GNAL: variants seen among roughly 807,000 people sequenced by gnomAD.
The protein encoded by GNAL is guanine nucleotide-binding protein G(olf) subunit alpha.
A neutral mutation model predicts 55.1 loss-of-function variants in GNAL; 18 were observed. That is an observed-to-expected ratio of 0.33 (90% CI 0.23 to 0.48). The LOEUF is 0.48. Ranked by LOEUF, GNAL falls within the 20% of genes least tolerant of loss-of-function variation. The probability of loss-of-function intolerance (pLI) is 0.99; values close to 1 mark genes in which losing one functional copy is unlikely to be tolerated. For missense variants in GNAL, 412 were observed against 614.1 expected (o/e 0.67, Z 3.48); for synonymous variants, 253 against 237.0 (o/e 1.07, Z -0.62).
chr18:11,728,518 C>T (rs969115981), intron 1 of GNAL, among the ~76,000 whole-genome samples: 5 of 152,186 alleles, frequency 3.3e-5, no homozygotes, highest in African/African-American at 9.6e-5. Context: ...TGGAGAGAGG[C>T]TCTGGGGGCT....
At chr18:11,753,066 GT>G (rs200924223) in intron 2 of GNAL, 141 bp downstream of exon 2, 1 of 571,212 alleles carries the variant, frequency 1.8e-6, no homozygotes, top group East Asian at 3.0e-5. Flanking sequence ...GATATTTGCT[GT>G]TGGATTTGGT....
chr18:11,876,765 T>C, intron 11 of GNAL, 77 bp downstream of exon 11: 1 of 825,444 alleles, frequency 1.2e-6, no homozygotes, highest in Non-Finnish European at 2.2e-6. Context: ...AAATTACTCC[T>C]TGATGATCTC....
intron 5 of GNAL, among the ~76,000 whole-genome samples, chr18:11,861,214 C>T (rs775007594): frequency 5.9e-5 from 9 of 152,188 alleles, no homozygotes; most frequent in African/African-American, 1.9e-4. Context: ...CCGTCAACGC[C>T]AGCACCAACA....
intron 4 of GNAL, among the ~76,000 whole-genome samples, chr18:11,776,074 T>C (rs1274577047): frequency 1.3e-5 from 2 of 152,206 alleles, no homozygotes; most frequent in Non-Finnish European, 2.9e-5. Context: ...GCCCAACTGA[T>C]AGCTAAAAAA....
chr18:11,712,490 A>G (rs911305322), intron 1 of GNAL, among the ~76,000 whole-genome samples: 1 of 152,266 alleles, frequency 6.6e-6, no homozygotes, highest in Non-Finnish European at 1.5e-5. Context: ...ATTTTTCAGC[A>G]GGGCAATAAA....
At position 11,751,183 on chromosome 18, in the gene GNAL, A is replaced by G. The variant is rs2032814010; in HGVS notation, c.377-1670A>G. Among the ~76,000 whole-genome samples, 2 of 152,116 alleles carry G rather than the reference A, an allele frequency of 1.3e-5. No individual in the cohort carries two copies. The highest frequency in any genetic ancestry group is 2.4e-5 in the African/African-American group (1 of 41,422). On this transcript the variant is annotated intron_variant, in intron 1 of 11. Transcript: ENST00000334049. This position sits in a 1 kb window ranked among gnomAD's most constrained non-coding sequence, Gnocchi z 4.5. ...AAGGAACAGTGATTTCTCCACGCCC[A>G]CGGCTGGTGTCCACGACTTCGGCCC...
intron 1 of GNAL, among the ~76,000 whole-genome samples, chr18:11,733,767 G>A (rs1177252706): frequency 6.6e-6 from 1 of 151,924 alleles, no homozygotes; most frequent in Non-Finnish European, 1.5e-5. Context: ...GAGGGAGGGA[G>A]GGACGATTAC....
chr18:11,804,194 G>A (rs143294676), intron 4 of GNAL, among the ~76,000 whole-genome samples: 11,637 of 53,138 alleles, frequency 0.22, 49 homozygotes, highest in African/African-American at 0.38. Context: ...GTACAGGTGC[G>A]GTTTGGATGG....
intron 5 of GNAL, among the ~76,000 whole-genome samples, chr18:11,835,794 G>A (rs541213053): frequency 6.6e-6 from 1 of 152,202 alleles, no homozygotes; most frequent in South Asian, 2.1e-4. Context: ...GGGAACTCAG[G>A]GAAAACAACT....
At chr18:11,730,893 G>A (rs1230354469) in intron 1 of GNAL, among the ~76,000 whole-genome samples, 1 of 152,140 alleles carries the variant, frequency 6.6e-6, no homozygotes, top group Non-Finnish European at 1.5e-5. Context: ...ATGTCATATC[G>A]AGTTAATTAA....
At chr18:11,822,310 G>A (rs545243368) in intron 4 of GNAL, among the ~76,000 whole-genome samples, 2 of 152,032 alleles carry the variant, frequency 1.3e-5, no homozygotes, top group African/African-American at 2.4e-5. Flanking sequence ...ACAAACAAAC[G>A]AACAAACAAA....
At chr18:11,705,790 C>T (rs1416845633) in intron 1 of GNAL, among the ~76,000 whole-genome samples, 2 of 139,806 alleles carry the variant, frequency 1.4e-5, no homozygotes, top group African/African-American at 2.7e-5. Context: ...GAGCCTCGCT[C>T]TGTCACCCAG....
chr18:11,702,685 T>C (rs554075267), intron 1 of GNAL, among the ~76,000 whole-genome samples: 73 of 152,044 alleles, frequency 4.8e-4, no homozygotes, highest in Non-Finnish European at 7.6e-4. Context: ...GAGACAAAGG[T>C]ATCAACCAGC....
At position 11,885,646 on chromosome 18, in the gene GNAL, C is replaced by G. The variant is rs2037106992; in HGVS notation, c.*4511C>G. ...GTGTTGATTTAAATACTTATGAAAG[C>G]TTTCAGACAAAAATAAACTTTCACG... On this transcript the variant is annotated 3_prime_UTR_variant, in exon 12 of 12. Transcript: ENST00000334049. 2 of 1,595,974 alleles carry G rather than the reference C, an allele frequency of 1.3e-6. No homozygotes were observed. Among genetic ancestry groups the G allele is most frequent in the African/African-American group, 2.7e-5 (2 of 74,488 alleles).
chr18:11,739,277 TC>T (rs1202162413), intron 1 of GNAL, among the ~76,000 whole-genome samples: 7 of 152,354 alleles, frequency 4.6e-5, no homozygotes, highest in African/African-American at 1.7e-4. Flanking sequence ...TGTTCACATT[TC>T]CCTGTGTGCC....
rs1045045424 is a variant in GNAL, at chr18:11,751,203, C to T, written c.377-1650C>T. On this transcript the variant is annotated intron_variant, in intron 1 of 11. Transcript: ENST00000334049. The surrounding 1 kb of genome is among the most constrained non-coding windows in gnomAD (Gnocchi z 4.5). ...CGCCCACGGCTGGTGTCCACGACTT[C>T]GGCCCGGCCCCCTCTTCTGACCTCC... Among the ~76,000 whole-genome samples the T allele has an allele frequency of 3.3e-5, 5 of 152,164 alleles. No homozygotes were observed. The highest frequency in any genetic ancestry group is 7.3e-5 in the Non-Finnish European group (5 of 68,038).
chr18:11,734,985 G>T (rs1159431786), intron 1 of GNAL, among the ~76,000 whole-genome samples: 4 of 147,774 alleles, frequency 2.7e-5, no homozygotes, highest in African/African-American at 1.0e-4. Context: ...ACTCAGGTGG[G>T]CACAGGGAAA....
chr18:11,870,319 G>A (rs1325976956), intron 9 of GNAL, among the ~76,000 whole-genome samples: 2 of 152,142 alleles, frequency 1.3e-5, no homozygotes, highest in Non-Finnish European at 2.9e-5. Context: ...TCAGGAGTTC[G>A]AGACCAACCT....
At chr18:11,835,395 G>C (rs773676262) in intron 5 of GNAL, among the ~76,000 whole-genome samples, 17 of 151,886 alleles carry the variant, frequency 1.1e-4, no homozygotes, top group Non-Finnish European at 2.4e-4. Context: ...AGGAGACTGA[G>C]GCAGGAGGTT....
Sources: allele counts gnomAD v4.1 joint callset (sites outside exome capture counted in the v4.1 genomes callset), GRCh38; gene constraint gnomAD v4.1.1; non-coding constraint Gnocchi (gnomAD v3.1); transcripts MANE v1.5; gene names NCBI Gene and HGNC (gene_info 2026-07-23, HGNC 2026-07-21).